Variants in PTBP1 observed in about 807,000 individuals in gnomAD.
The protein encoded by PTBP1 is polypyrimidine tract-binding protein 1.
Under a neutral mutation model 59.8 loss-of-function variants are expected in PTBP1, and 8 were observed. That is an observed-to-expected ratio of 0.13 (90% CI 0.08 to 0.24). The LOEUF (loss-of-function observed/expected upper bound fraction) is 0.24, where lower values mean the gene tolerates loss of function less well. Ranked by LOEUF, PTBP1 falls within the 10% of genes least tolerant of loss-of-function variation. The pLI is 1.00. For missense variants in PTBP1, 686 were observed against 767.0 expected, an observed-to-expected ratio of 0.89 and a Z score of 1.25; for synonymous variants, 490 against 320.7, an observed-to-expected ratio of 1.53 and a Z score of -5.64.
intron 2 of PTBP1, among the ~76,000 whole-genome samples, chr19:802,100 CCT>C (rs2034360749): frequency 6.6e-6 from 1 of 152,164 alleles, no homozygotes; most frequent in Non-Finnish European, 1.5e-5. Context: ...TTGGTGACGC[CCT>C]GAGTGCTTGT....
intron 13 of PTBP1, among the ~76,000 whole-genome samples, chr19:809,658 G>A (rs909379662): frequency 7.9e-5 from 12 of 152,170 alleles, no homozygotes; most frequent in Non-Finnish European, 1.2e-4. Flanking sequence ...GTGGGGGGCC[G>A]GGCAGGGGAT....
chr19:799,114 A>G (rs1049666289), intron 1 of PTBP1, among the ~76,000 whole-genome samples: 1 of 152,136 alleles, frequency 6.6e-6, no homozygotes, highest in Non-Finnish European at 1.5e-5. Context: ...GGGGCTTCCG[A>G]TGGGGGTGTC....
chr19:804,683 C>A lies in PTBP1; in HGVS notation c.587C>A (p.Thr196Asn). The A allele has an allele frequency of 6.2e-7, 1 of 1,612,708 alleles. No homozygotes were observed. The highest frequency in any genetic ancestry group is 8.5e-7 in the Non-Finnish European group (1 of 1,179,384). The stretch of plus-strand genomic sequence containing the variant: ...GTGGAGAACCTCTTCTACCCTGTGA[C>A]CCTGGATGTGCTGCACCAGGTGAGG... ...IIVENLFYPV[T>N]LDVLHQIFSK... is the part of the protein sequence containing the mutation. The change falls in exon 6 of 15, where the codon ACC (threonine) becomes AAC (asparagine). Residue 196 changes from threonine (T) to asparagine (N), a missense_variant. Thr to Asn is a moderately conservative substitution (Grantham distance 65). Transcript: ENST00000356948.
rs1183065208 is a variant in PTBP1 at position 804,622 on chromosome 19, G to T, written c.526G>T (p.Ala176Ser). 6.2e-7 allele frequency: 1 copy of T among 1,612,628 alleles called. No homozygotes were observed. Among genetic ancestry groups the T allele is most frequent in the African/African-American group, 1.3e-5 (1 of 74,938 alleles). ...ASAAAVDAGM[A>S]MAGQSPVLRI... ...GGCGGCGGCCGTGGACGCAGGGATG[G>T]CGATGGCCGGGCAGAGCCCCGTGCT... is the stretch of plus-strand genomic sequence containing the variant. The change falls in exon 6 of 15, where the codon GCG becomes TCG. Residue 176 changes from alanine to serine, a missense_variant. Ala to Ser is a moderately conservative substitution (Grantham distance 99). Transcript: ENST00000356948.
intron 9 of PTBP1, chr19:806,180 AGGCCC>A (rs940200568): frequency 7.5e-5 from 35 of 469,238 alleles, no homozygotes; most frequent in Non-Finnish European, 1.2e-4. Flanking sequence ...AGATGAGCCC[AGGCCC>A]GGCCCGGCCC....
At chr19:809,933 C>A (rs116252903) in intron 13 of PTBP1, among the ~76,000 whole-genome samples, 1,876 of 152,242 alleles carry the variant, frequency 0.012, 40 homozygotes, top group African/African-American at 0.043. Flanking sequence ...TTTGGAAATG[C>A]AGGTACATCT....
In PTBP1 at chr19:804,213, C is replaced by T; in HGVS notation, c.288+5C>T. On this transcript the variant is annotated splice_donor_5th_base_variant and intron_variant, in intron 4 of 14. Transcript: ENST00000356948. ...ATGCTGAAGGGGAAAAACCAGGTAC[C>T]TGAGCCGCGTTTCTCCGGGGTGCTC... 1 of 1,606,376 alleles carries T rather than the reference C, an allele frequency of 6.2e-7. No homozygotes were observed. The highest frequency in any genetic ancestry group is 8.5e-7 in the Non-Finnish European group (1 of 1,174,788).
chr19:803,657 A>G, intron 3 of PTBP1, 21 bp downstream of exon 3: 1 of 1,607,546 alleles, frequency 6.2e-7, no homozygotes, highest in South Asian at 1.1e-5. Flanking sequence ...GACTCGGCCC[A>G]GGGCAAGACC....
chr19:798,905 C>T (rs2034201517), intron 1 of PTBP1, among the ~76,000 whole-genome samples: 1 of 152,218 alleles, frequency 6.6e-6, no homozygotes, highest in African/African-American at 2.4e-5. Context: ...TGACGGTTTC[C>T]ACGGCCGCCT....
chr19:797,593 TCG>T, intron 1 of PTBP1, 88 bp downstream of exon 1: 1 of 923,222 alleles, frequency 1.1e-6, no homozygotes. Flanking sequence ...GGGGCCGATC[TCG>T]CCCCCTCTCG....
chr19:800,186 G>A (rs2034272493), intron 2 of PTBP1, among the ~76,000 whole-genome samples: 1 of 150,882 alleles, frequency 6.6e-6, no homozygotes, highest in Admixed American at 6.6e-5. Context: ...CACCCCCCTT[G>A]GCCTCCCACA....
In PTBP1 at chr19:799,410, C is replaced by G. The variant is rs768311448; in HGVS notation, c.9-3C>G. 6.2e-7 allele frequency: 1 copy of G among 1,613,814 alleles called. No homozygotes were observed. Among genetic ancestry groups the G allele is most frequent in the Non-Finnish European group, 8.5e-7 (1 of 1,179,824 alleles). ...ACGTTGTCTCCTTTCTTTCTCTCTA[C>G]AGCATTGTCCCAGATATAGCCGTTG... On this transcript the variant is annotated splice_polypyrimidine_tract_variant and splice_region_variant and intron_variant, in intron 1 of 14. Transcript: ENST00000356948.
At position 808,562 on chromosome 19, in the gene PTBP1, C is replaced by G; in HGVS notation, c.1263C>G (p.Asn421Lys). 2 of 1,596,436 alleles carry G rather than the reference C, an allele frequency of 1.3e-6. No homozygotes were observed. Among genetic ancestry groups the G allele is most frequent in the Non-Finnish European group, 1.7e-6 (2 of 1,173,592 alleles). The change falls in exon 13 of 15, where the codon AAC becomes AAG. Residue 421 changes from asparagine (N) to lysine (K), a missense_variant. Physicochemically the swap from Asn to Lys is moderately conservative, Grantham distance 94. Coordinates refer to ENST00000356948, the MANE Select transcript of PTBP1 (RefSeq NM_002819.5). This position sits in a 1 kb window ranked among gnomAD's most constrained non-coding sequence, Gnocchi z 4.7. ...CTCCCCCAGCCATGAGCCACCTGAA[C>G]GGGCACAAGCTGCACGGGAAGCCCA... Reference protein sequence around the residue: ...NQAQLAMSHLNGHKLHGKPIR... With the variant: ...NQAQLAMSHLKGHKLHGKPIR...
chr19:801,936 C>T lies in PTBP1; in HGVS notation c.40-1625C>T, dbSNP rs574405283. Among the ~76,000 whole-genome samples, 24 of 152,266 alleles carry T rather than the reference C, an allele frequency of 1.6e-4. No individual in the cohort carries two copies. The South Asian group carries it at 3.7e-3, about 24-fold the overall frequency. On this transcript the variant is annotated intron_variant, in intron 2 of 14. Transcript: ENST00000356948. ...TTCAGTATTTGGCTTCATCTGTGTC[C>T]GGCCGGAACCTCAGGGCCGCCGTGA...
At chr19:806,274 A>C in intron 9 of PTBP1, 134 bp from the exon 10 acceptor site, 1 of 1,044,226 alleles carries the variant, frequency 9.6e-7, no homozygotes, top group African/African-American at 1.7e-5. Context: ...ACAGGCACCC[A>C]GGGTAGGGCC....
rs2034586383 is a variant in PTBP1, at chr19:806,505, C to T, written c.1068C>T (p.Gly356=). 1 of 1,573,140 alleles carries T rather than the reference C, an allele frequency of 6.4e-7. No individual in the cohort carries two copies. The highest frequency in any genetic ancestry group is 1.1e-5 in the South Asian group (1 of 87,158). The stretch of plus-strand genomic sequence containing the variant: ...CGGCAGGTCGGATCGCCATCCCGGG[C>T]CTGGCGGGGGCAGGAAATTCTGTAT... The part of the protein sequence containing the change: ...AAAAGRIAIP[G]LAGAGNSVLL... Residue 356 remains glycine (G), a synonymous_variant, in exon 10 of 15, where the codon GGC becomes GGT. Transcript: ENST00000356948.
intron 9 of PTBP1, 88 bp from the exon 10 acceptor site, chr19:806,320 C>T (rs1486870447): frequency 3.6e-6 from 5 of 1,396,224 alleles, no homozygotes; most frequent in South Asian, 1.5e-5. Flanking sequence ...CTCGGCTCCT[C>T]GGTGCATGAG....
At chr19:798,743 G>A (rs887053927) in intron 1 of PTBP1, among the ~76,000 whole-genome samples, 6 of 152,260 alleles carry the variant, frequency 3.9e-5, no homozygotes, top group Non-Finnish European at 7.3e-5. Context: ...TGTTGGGTCA[G>A]GACCTGGCCG....
At chr19:806,354 ACT>A (rs1482276285) in intron 9 of PTBP1, 52 bp from the exon 10 acceptor site, 2 of 1,539,848 alleles carry the variant, frequency 1.3e-6, no homozygotes, top group Non-Finnish European at 1.7e-6. Context: ...GGCCTCTCCC[ACT>A]CTGCGGTGGA....
Sources: gnomAD v4.1 joint callset for allele counts (sites outside exome capture counted in the v4.1 genomes callset) on GRCh38, gnomAD v4.1.1 for gene constraint, Gnocchi (gnomAD v3.1) non-coding constraint, MANE v1.5 for transcripts, NCBI Gene and HGNC (gene_info 2026-07-23, HGNC 2026-07-21) for gene names.